Variants in SYT16 observed in about 807,000 individuals in gnomAD.
SYT16 encodes the protein synaptotagmin 16.
A neutral mutation model predicts 61.4 loss-of-function variants in SYT16; 42 were observed. The ratio of observed to expected loss-of-function variants is 0.68; its 90% confidence interval spans 0.53 to 0.89. SYT16 has a LOEUF of 0.89. Ranked by LOEUF, SYT16 falls within the 40% of genes least tolerant of loss-of-function variation. The pLI is 0.00. For synonymous variants in SYT16, 314 were observed against 302.3 expected (o/e 1.04, Z -0.40); for missense variants, 804 against 807.3 (o/e 1.00, Z 0.05).
chr14:61,843,014 G>A lies in SYT16; in HGVS notation c.-325+30204G>A, dbSNP rs2046344038. On this transcript the variant is annotated intron_variant, in intron 1 of 7. Coordinates refer to ENST00000683842, the MANE Select transcript of SYT16 (RefSeq NM_001367656.1). The stretch of plus-strand genomic sequence containing the variant: ...ACACTTAGGTTGCTTCCAAATTGTG[G>A]ATATTATGAACAGTGCTGCTACAAA... 2.6e-5 allele frequency among the ~76,000 whole-genome samples: 4 copies of A among 152,064 alleles called. No homozygotes were observed. In the South Asian group the frequency reaches 6.2e-4, roughly 24 times the overall value.
chr14:61,814,458 A>G (rs1429497688), intron 1 of SYT16, among the ~76,000 whole-genome samples: 1 of 152,196 alleles, frequency 6.6e-6, no homozygotes, highest in African/African-American at 2.4e-5. Flanking sequence ...CTGTTCTGCT[A>G]TTTACTTTCT....
chr14:61,819,928 A>G (rs1259273070), intron 1 of SYT16, among the ~76,000 whole-genome samples: 1 of 152,240 alleles, frequency 6.6e-6, no homozygotes, highest in African/African-American at 2.4e-5. Flanking sequence ...ATATGCATTA[A>G]TAAATGTCTG....
intron 3 of SYT16, among the ~76,000 whole-genome samples, chr14:62,023,786 G>T (rs1045691533): frequency 2.6e-5 from 4 of 152,054 alleles, no homozygotes; most frequent in African/African-American, 9.7e-5. Flanking sequence ...TCTGATAAAA[G>T]GTACTCCATC....
intron 1 of SYT16, among the ~76,000 whole-genome samples, chr14:61,961,151 A>G (rs537103658): frequency 2.6e-5 from 4 of 152,328 alleles, no homozygotes; most frequent in African/African-American, 9.6e-5. Flanking sequence ...TGTAAAACCT[A>G]AAACTATAAA....
At chr14:61,962,175 A>G (rs936316653) in intron 1 of SYT16, among the ~76,000 whole-genome samples, 1 of 152,134 alleles carries the variant, frequency 6.6e-6, no homozygotes, top group Non-Finnish European at 1.5e-5. Flanking sequence ...TACTATGCCT[A>G]TTACCTGGGT....
intron 7 of SYT16, among the ~76,000 whole-genome samples, chr14:62,100,176 G>A (rs1201739000): frequency 6.6e-6 from 1 of 152,148 alleles, no homozygotes; most frequent in African/African-American, 2.4e-5. Context: ...GCTGGATAGT[G>A]AGCCACATGA....
chr14:61,845,573 G>C (rs961523863), intron 1 of SYT16, among the ~76,000 whole-genome samples: 1 of 152,018 alleles, frequency 6.6e-6, no homozygotes, highest in Non-Finnish European at 1.5e-5. Flanking sequence ...TATTTATTTG[G>C]ATCTTCTCTC....
At chr14:62,021,659 T>C (rs1176660067) in intron 3 of SYT16, among the ~76,000 whole-genome samples, 1 of 141,102 alleles carries the variant, frequency 7.1e-6, no homozygotes, top group Non-Finnish European at 1.6e-5. Flanking sequence ...GCTGTTTCCC[T>C]CTACCAAGAA....
intron 1 of SYT16, among the ~76,000 whole-genome samples, chr14:61,880,319 G>A (rs2047654625): frequency 6.6e-6 from 1 of 152,188 alleles, no homozygotes; most frequent in African/African-American, 2.4e-5. Flanking sequence ...TGGACTAGCA[G>A]GTCAGAGCAT....
intron 1 of SYT16, among the ~76,000 whole-genome samples, chr14:61,934,373 T>G (rs2140433170): frequency 1.3e-5 from 2 of 152,348 alleles, no homozygotes; most frequent in African/African-American, 4.8e-5. Context: ...TTTTTGTTGT[T>G]AAAGTGGTGA....
intron 3 of SYT16, among the ~76,000 whole-genome samples, chr14:62,056,538 G>T (rs1456701322): frequency 2.0e-5 from 3 of 152,196 alleles, no homozygotes; most frequent in African/African-American, 7.2e-5. Context: ...AATGCATGGG[G>T]CGCTCTCCAA....
intron 1 of SYT16, among the ~76,000 whole-genome samples, chr14:61,944,076 C>G (rs148211093): frequency 6.6e-6 from 1 of 152,098 alleles, no homozygotes; most frequent in Non-Finnish European, 1.5e-5. Context: ...ACAAGCATTC[C>G]TTTATACCAA....
rs535035762 is a variant in SYT16 at position 61,945,780 on chromosome 14, C to T, written c.-324-24352C>T. On this transcript the variant is annotated intron_variant, in intron 1 of 7. Transcript: ENST00000683842. ...CTGAGGCAGGAGAATGGCGTGAACC[C>T]GGGAGGCGGAACTTGCAGTGAGCCG... Among the ~76,000 whole-genome samples, 31 of 147,246 alleles carry T rather than the reference C, an allele frequency of 2.1e-4. No individual in the cohort carries two copies. In the South Asian group the frequency reaches 4.8e-3, roughly 23 times the overall value.
intron 1 of SYT16, among the ~76,000 whole-genome samples, chr14:61,953,072 G>A (rs2050735352): frequency 2.0e-5 from 3 of 152,108 alleles, no homozygotes; most frequent in Admixed American, 2.0e-4. Context: ...AGTTCTAGAA[G>A]CATCACATAG....
chr14:61,897,250 C>T (rs1477775861), intron 1 of SYT16: 1 of 152,196 alleles, frequency 6.6e-6, no homozygotes, highest in African/African-American at 2.4e-5. Context: ...TGACCCTTTC[C>T]AGAAAAATTT....
intron 1 of SYT16, among the ~76,000 whole-genome samples, chr14:61,882,645 A>G (rs1285039275): frequency 6.6e-6 from 1 of 152,176 alleles, no homozygotes; most frequent in Non-Finnish European, 1.5e-5. Flanking sequence ...AAACACGATC[A>G]TGCCTTTCTA....
At chr14:61,815,876 G>A (rs1392104351) in intron 1 of SYT16, among the ~76,000 whole-genome samples, 1 of 152,154 alleles carries the variant, frequency 6.6e-6, no homozygotes, top group Non-Finnish European at 1.5e-5. Context: ...TATGGCATAT[G>A]TTGCATTATT....
intron 3 of SYT16, among the ~76,000 whole-genome samples, chr14:62,058,027 T>C (rs900705740): frequency 6.6e-6 from 1 of 152,244 alleles, no homozygotes; most frequent in Non-Finnish European, 1.5e-5. Context: ...AATGGAGTTA[T>C]ATAATGCACA....
chr14:61,858,891 G>C (rs995698819), intron 1 of SYT16, among the ~76,000 whole-genome samples: 53 of 143,850 alleles, frequency 3.7e-4, no homozygotes, highest in African/African-American at 1.4e-3. Flanking sequence ...GTCTCACTCT[G>C]TTGCCCAGGC....
Sources: allele counts gnomAD v4.1 joint callset (sites outside exome capture counted in the v4.1 genomes callset), GRCh38; gene constraint gnomAD v4.1.1; transcripts MANE v1.5; gene names NCBI Gene and HGNC (gene_info 2026-07-23, HGNC 2026-07-21).